Variants in ATF7 observed in about 807,000 individuals in gnomAD.
ATF7 encodes activating transcription factor 7.
ATF7 carries 10 observed loss-of-function variants against 50.4 expected under a neutral mutation model. The ratio of observed to expected loss-of-function variants is 0.20; its 90% CI spans 0.12 to 0.34. The LOEUF (loss-of-function observed/expected upper bound fraction) is 0.34, where lower values mean the gene tolerates loss of function less well. Ranked by LOEUF, ATF7 falls within the 10% of genes least tolerant of loss-of-function variation. The probability of loss-of-function intolerance (pLI) is 1.00; values close to 1 mark genes in which losing one functional copy is unlikely to be tolerated. For missense variants in ATF7, 465 were observed against 613.9 expected (o/e 0.76, Z 2.56); for synonymous variants, 201 against 226.4 (o/e 0.89, Z 1.01).
At chr12:53,625,824 T>C (rs933072582) in intron 1 of ATF7, 2 of 152,332 alleles carry the variant, frequency 1.3e-5, no homozygotes, top group Admixed American at 6.6e-5. Context: ...CTTAGTTTAG[T>C]ATCCCTCCTC....
In ATF7 at chr12:53,574,363, G is replaced by A. The variant is rs577047500; in HGVS notation, c.49-21726C>T. Among the ~76,000 whole-genome samples the A allele has an allele frequency of 1.4e-4, 21 of 152,248 alleles. No homozygotes were observed. In the South Asian group the frequency reaches 3.1e-3, roughly 23 times the overall value. On this transcript the variant is annotated intron_variant, in intron 2 of 11. Coordinates refer to ENST00000420353, the MANE Select transcript of ATF7 (RefSeq NM_006856.3). ...GCATCTCCTTATCTGGTTTTCATCC[G>A]TATCCTTCATAATATCCTTTATAAT...
At chr12:53,570,729 CTGTGTGCG>C (rs765718486) in intron 2 of ATF7, among the ~76,000 whole-genome samples, 4 of 114,206 alleles carry the variant, frequency 3.5e-5, no homozygotes, top group East Asian at 3.7e-4. Context: ...TAGTGTTCTC[CTGTGTGCG>C]TGTGTGTGTG....
intron 9 of ATF7, among the ~76,000 whole-genome samples, chr12:53,529,206 G>T (rs771209325): frequency 1.1e-4 from 17 of 152,102 alleles, no homozygotes; most frequent in South Asian, 8.3e-4. Flanking sequence ...TATTTATTTA[G>T]TTATTTATTT....
chr12:53,594,161 G>A (rs1310865102), intron 2 of ATF7, among the ~76,000 whole-genome samples: 1 of 152,322 alleles, frequency 6.6e-6, no homozygotes, highest in South Asian at 2.1e-4. Context: ...GATTCAGAAG[G>A]CACTTTGTAA....
chr12:53,589,736 G>T (rs1260708827), intron 2 of ATF7, among the ~76,000 whole-genome samples: 1 of 152,138 alleles, frequency 6.6e-6, no homozygotes, highest in Non-Finnish European at 1.5e-5. Context: ...CAACGAGCTA[G>T]AATTCTAAGC....
chr12:53,550,097 T>C (rs1248165117), intron 3 of ATF7, among the ~76,000 whole-genome samples: 1 of 151,746 alleles, frequency 6.6e-6, no homozygotes, highest in Non-Finnish European at 1.5e-5. Context: ...CCGAGGCAGG[T>C]GGATCATTCG....
At chr12:53,535,951 G>C (rs1346151704) in intron 5 of ATF7, among the ~76,000 whole-genome samples, 1 of 152,090 alleles carries the variant, frequency 6.6e-6, no homozygotes, top group African/African-American at 2.4e-5. Flanking sequence ...CTGGGAGGCA[G>C]ACGTTGCAGT....
intron 2 of ATF7, among the ~76,000 whole-genome samples, chr12:53,593,865 T>C (rs1044824648): frequency 6.6e-6 from 1 of 152,228 alleles, no homozygotes; most frequent in Non-Finnish European, 1.5e-5. Flanking sequence ...GCACTGTAGA[T>C]GTACACACAG....
At chr12:53,528,612 A>T (rs1360888318) in intron 9 of ATF7, among the ~76,000 whole-genome samples, 1 of 152,090 alleles carries the variant, frequency 6.6e-6, no homozygotes. Flanking sequence ...AAAATACAAA[A>T]ATTAGCTGGG....
chr12:53,526,174 C>T (rs188177567), intron 9 of ATF7, among the ~76,000 whole-genome samples: 22 of 150,098 alleles, frequency 1.5e-4, no homozygotes, highest in African/African-American at 4.9e-4. Flanking sequence ...AGCCACTGCA[C>T]TCCAGCCTGG....
intron 5 of ATF7, among the ~76,000 whole-genome samples, chr12:53,536,035 A>G (rs1939200665): frequency 6.6e-6 from 1 of 152,074 alleles, no homozygotes. Context: ...AAAAAAAAAA[A>G]GATGACTTGT....
intron 2 of ATF7, among the ~76,000 whole-genome samples, chr12:53,553,666 T>G (rs1320595332): frequency 6.6e-6 from 1 of 152,196 alleles, no homozygotes; most frequent in Non-Finnish European, 1.5e-5. Context: ...CATTAAAACA[T>G]GACTGCAACA....
Position 53,610,153 on chromosome 12 carries a change from C to A in ATF7, c.-21-9132G>T, listed in dbSNP as rs185739746. On this transcript the variant is annotated intron_variant, in intron 1 of 11. Transcript: ENST00000420353. ...TGTTTTATATTAGTGTTTTGTAAAG[C>A]ACTTGCTAACAGACTGGAAAACTGA... Among the ~76,000 whole-genome samples, 38 of 152,078 alleles carry A rather than the reference C, an allele frequency of 2.5e-4. No individual in the cohort carries two copies. The East Asian group carries it at 7.2e-3, about 29-fold the overall frequency.
chr12:53,594,426 T>C (rs1488709787), intron 2 of ATF7, among the ~76,000 whole-genome samples: 1 of 152,162 alleles, frequency 6.6e-6, no homozygotes, highest in African/African-American at 2.4e-5. Flanking sequence ...GGAGCAAGGA[T>C]GCTTTTAATC....
At chr12:53,571,638 TAAA>T (rs753773388) in intron 2 of ATF7, among the ~76,000 whole-genome samples, 2 of 135,764 alleles carry the variant, frequency 1.5e-5, no homozygotes, top group South Asian at 4.6e-4. Flanking sequence ...TCCATCTCTT[TAAA>T]AAAAAAAAAA....
chr12:53,570,762 T>C (rs901470683), intron 2 of ATF7, among the ~76,000 whole-genome samples: 3 of 151,380 alleles, frequency 2.0e-5, no homozygotes, highest in African/African-American at 7.3e-5. Flanking sequence ...TGTGTGTGTG[T>C]GTGTGTGTGT....
chr12:53,523,981 T>C (rs969434983), intron 10 of ATF7, among the ~76,000 whole-genome samples: 1 of 152,194 alleles, frequency 6.6e-6, no homozygotes, highest in African/African-American at 2.4e-5. Flanking sequence ...GGAAGGTACA[T>C]ACTGAATGTA....
chr12:53,539,032 G>A (rs149071891), intron 4 of ATF7, among the ~76,000 whole-genome samples: 174 of 152,196 alleles, frequency 1.1e-3, no homozygotes, highest in African/African-American at 4.0e-3. Context: ...GCAAAGCTGC[G>A]GTTCAGCAAA....
chr12:53,607,004 A>G (rs1436978104), intron 1 of ATF7, among the ~76,000 whole-genome samples: 1 of 152,060 alleles, frequency 6.6e-6, no homozygotes, highest in East Asian at 1.9e-4. Flanking sequence ...GCTATTGTGA[A>G]TAGTGCCGCT....
Sources: gnomAD v4.1 joint callset for allele counts (sites outside exome capture counted in the v4.1 genomes callset) on GRCh38, gnomAD v4.1.1 for gene constraint, MANE v1.5 for transcripts, NCBI Gene and HGNC (gene_info 2026-07-23, HGNC 2026-07-21) for gene names.